The following ZCCHC9 variants were observed in gnomAD, a reference collection of about 807,000 sequenced individuals.
ZCCHC9 encodes the protein zinc finger CCHC domain-containing protein 9.
ZCCHC9 carries 18 observed loss-of-function variants against 30.8 expected under a neutral mutation model. The observed-to-expected ratio is 0.58, with a 90% CI of 0.40 to 0.87. The LOEUF (loss-of-function observed/expected upper bound fraction) is 0.87, where lower values mean the gene tolerates loss of function less well. Ranked by LOEUF, ZCCHC9 falls within the 40% of genes least tolerant of loss-of-function variation. ZCCHC9 has a pLI of 0.00. For synonymous variants in ZCCHC9, 94 were observed against 106.7 expected (o/e 0.88, Z 0.73); for missense variants, 279 against 331.2 (o/e 0.84, Z 1.22).
chr5:81,309,862 C>T (rs72771167), intron 4 of ZCCHC9, among the ~76,000 whole-genome samples: 3,481 of 152,146 alleles, frequency 0.023, 53 homozygotes, highest in Middle Eastern at 0.058. Context: ...TGTATCTTAC[C>T]GTTGGTGGGT....
intron 5 of ZCCHC9, 116 bp downstream of exon 5, chr5:81,311,395 T>C (rs184789835): frequency 9.5e-6 from 10 of 1,055,242 alleles, no homozygotes; most frequent in Non-Finnish European, 1.4e-5. Flanking sequence ...ACAACCTGTT[T>C]TCCTACTGTA....
intron 1 of ZCCHC9, chr5:81,302,568 G>T (rs1427491846): frequency 6.6e-6 from 1 of 152,200 alleles, no homozygotes; most frequent in Admixed American, 6.5e-5. Flanking sequence ...GGGCCGTTTC[G>T]TGGTTGTGTG....
chr5:81,305,873 T>C (rs1758070758), intron 2 of ZCCHC9, among the ~76,000 whole-genome samples: 1 of 152,178 alleles, frequency 6.6e-6, no homozygotes, highest in Admixed American at 6.5e-5. Flanking sequence ...TGTGTGTGGG[T>C]CCCTATTACT....
chr5:81,310,344 T>G (rs761146555), intron 4 of ZCCHC9, among the ~76,000 whole-genome samples: 1 of 152,166 alleles, frequency 6.6e-6, no homozygotes, highest in Non-Finnish European at 1.5e-5. Flanking sequence ...ACTGGATACA[T>G]TTTTGTATGG....
At chr5:81,309,701 C>T (rs940757634) in intron 4 of ZCCHC9, among the ~76,000 whole-genome samples, 1 of 152,114 alleles carries the variant, frequency 6.6e-6, no homozygotes, top group Non-Finnish European at 1.5e-5. Flanking sequence ...TGGGTTACAG[C>T]GCCAGCACTG....
In ZCCHC9 at chr5:81,312,539, T is replaced by C. The variant is rs767992844; in HGVS notation, c.698-5T>C. 1 of 1,608,686 alleles carries C rather than the reference T, an allele frequency of 6.2e-7. No individual in the cohort carries two copies. Among genetic ancestry groups the C allele is most frequent in the African/African-American group, 1.3e-5 (1 of 74,808 alleles). On this transcript the variant is annotated splice_region_variant and splice_polypyrimidine_tract_variant and intron_variant, in intron 5 of 5. Transcript: ENST00000407610. ...TAACATTCTGATTTTTCTATTCCTT[T>C]ACAGAGCGAATGGTCACAGTTGGTC...
chr5:81,308,907 A>G (rs1298080938), intron 3 of ZCCHC9, 39 bp from the exon 4 acceptor site: 1 of 1,542,626 alleles, frequency 6.5e-7, no homozygotes. Flanking sequence ...GACTTGCCAT[A>G]TGTATTGTCA....
rs79084802 is a variant in ZCCHC9 at position 81,305,469 on chromosome 5, C to T, written c.384+328C>T. Reference sequence around the variant, plus strand: ...AAACCCAGCCTGACTTCAAAACCTACGTTATAGACCAGATGTGGTGGCCCA... The same window carrying T: ...AAACCCAGCCTGACTTCAAAACCTATGTTATAGACCAGATGTGGTGGCCCA... On this transcript the variant is annotated intron_variant, in intron 2 of 5. Coordinates refer to ENST00000407610, the MANE Select transcript of ZCCHC9 (RefSeq NM_001131035.2). 5.3e-3 allele frequency among the ~76,000 whole-genome samples: 801 copies of T among 152,110 alleles called. 9 individuals are homozygous for T. Among genetic ancestry groups the T allele is most frequent in the African/African-American group, 0.018 (755 of 41,494 alleles).
At chr5:81,307,018 T>A (rs2112871525) in intron 2 of ZCCHC9, among the ~76,000 whole-genome samples, 1 of 152,272 alleles carries the variant, frequency 6.6e-6, no homozygotes. Flanking sequence ...CAATATTTTA[T>A]TAAGTAGGAA....
chr5:81,309,689 C>T (rs1339840120), intron 4 of ZCCHC9, among the ~76,000 whole-genome samples: 3 of 152,198 alleles, frequency 2.0e-5, no homozygotes, highest in Non-Finnish European at 4.4e-5. Context: ...GTTGGTCAGA[C>T]TTGGGTTACA....
At chr5:81,310,458 A>G (rs1014927625) in intron 4 of ZCCHC9, among the ~76,000 whole-genome samples, 9 of 152,188 alleles carry the variant, frequency 5.9e-5, no homozygotes, top group Admixed American at 5.2e-4. Context: ...TATGTTAAAA[A>G]TAAAGTCAAG....
chr5:81,310,859 T>C (rs906658898), intron 4 of ZCCHC9, among the ~76,000 whole-genome samples: 10 of 152,220 alleles, frequency 6.6e-5, no homozygotes, highest in African/African-American at 2.4e-4. Context: ...GCTTACATCT[T>C]TTGTTTACAG....
chr5:81,312,718 C>A lies in ZCCHC9; in HGVS notation c.*56C>A. On this transcript the variant is annotated 3_prime_UTR_variant, in exon 6 of 6. Transcript: ENST00000407610. ...TCATTGTTACTTTCTAAACCAGGCC[C>A]GCTTCACGAGTTAGAGTTGAGCTCC... 2 of 1,333,966 alleles carry A rather than the reference C, an allele frequency of 1.5e-6. No individual in the cohort carries two copies. Among genetic ancestry groups the A allele is most frequent in the Non-Finnish European group, 2.1e-6 (2 of 934,014 alleles). The allele number at this position is 1,333,966 out of a possible 1,614,324, so 82.6% of individuals were successfully genotyped here.
At chr5:81,306,440 C>T (rs773137754) in intron 2 of ZCCHC9, among the ~76,000 whole-genome samples, 8 of 152,132 alleles carry the variant, frequency 5.3e-5, no homozygotes, top group East Asian at 1.9e-4. Context: ...TGTAAGTTAA[C>T]GATTTTTAAA....
chr5:81,311,772 AC>A (rs1324274732), intron 5 of ZCCHC9, among the ~76,000 whole-genome samples: 1 of 152,196 alleles, frequency 6.6e-6, no homozygotes, highest in African/African-American at 2.4e-5. Context: ...CTGATGAAAT[AC>A]CAGCCTTATT....
chr5:81,310,067 T>C (rs773319630), intron 4 of ZCCHC9, among the ~76,000 whole-genome samples: 2 of 151,206 alleles, frequency 1.3e-5, no homozygotes, highest in Non-Finnish European at 2.9e-5. Flanking sequence ...AATGCTCAGG[T>C]GCATTTCAGT....
intron 5 of ZCCHC9, 70 bp from the exon 6 acceptor site, chr5:81,312,474 C>T: frequency 8.0e-7 from 1 of 1,245,490 alleles, no homozygotes; most frequent in Admixed American, 2.0e-5. Context: ...TTTCCCAAAC[C>T]AATAACAATC....
At chr5:81,311,349 T>A in intron 5 of ZCCHC9, 70 bp downstream of exon 5, 1 of 1,452,290 alleles carries the variant, frequency 6.9e-7, no homozygotes, top group East Asian at 2.3e-5. Context: ...CTGCACTTGT[T>A]ATTAATAACT....
At position 81,312,631 on chromosome 5, in the gene ZCCHC9, A is replaced by C. The variant is rs773847445; in HGVS notation, c.785A>C (p.Lys262Thr). Residue 262 changes from lysine (K) to threonine (T), a missense_variant, in exon 6 of 6, where the codon AAA becomes ACA. Lys to Thr is a moderately conservative substitution (Grantham distance 78, BLOSUM62 -1). Coordinates refer to ENST00000407610, the MANE Select transcript of ZCCHC9 (RefSeq NM_001131035.2). ...ILDVPKPQKP[K>T]TKIPKVVNF ...GATGTACCTAAACCGCAAAAACCCAAAACAAAAATACCTAAAGTTGTTAAT... is the reference window on the plus strand; with the variant it reads ...GATGTACCTAAACCGCAAAAACCCACAACAAAAATACCTAAAGTTGTTAAT... The C allele has an allele frequency of 2.5e-6, 4 of 1,613,798 alleles. No homozygotes were observed. In the East Asian group the frequency reaches 8.9e-5, roughly 36 times the overall value.
Sources: gnomAD v4.1 joint callset for allele counts (sites outside exome capture counted in the v4.1 genomes callset) on GRCh38, gnomAD v4.1.1 for gene constraint, MANE v1.5 for transcripts, NCBI Gene and HGNC (gene_info 2026-07-23, HGNC 2026-07-21) for gene names.